PRKCE: variants seen among roughly 807,000 people sequenced by gnomAD.
PRKCE encodes protein kinase C epsilon type.
In PRKCE, 16 loss-of-function variants were observed where a neutral mutation model predicts 85.4. The observed-to-expected ratio is 0.19, with a 90% CI of 0.13 to 0.28. The LOEUF (loss-of-function observed/expected upper bound fraction) is 0.28. Ranked by LOEUF, PRKCE falls within the 10% of genes least tolerant of loss-of-function variation. The pLI is 1.00. For missense variants in PRKCE, 573 were observed against 975.2 expected, an observed-to-expected ratio of 0.59 and a Z score of 5.49; for synonymous variants, 388 against 371.5, an observed-to-expected ratio of 1.04 and a Z score of -0.51.
At chr2:46,027,832 T>A (rs1035063666) in intron 10 of PRKCE, among the ~76,000 whole-genome samples, 1 of 152,250 alleles carries the variant, frequency 6.6e-6, no homozygotes, top group Non-Finnish European at 1.5e-5. Context: ...CTATCCTCTT[T>A]CCAAGACCAA....
At position 45,895,641 on chromosome 2, in the gene PRKCE, A is replaced by G. The variant is rs1274729565; in HGVS notation, c.412+52578A>G. 6.6e-6 allele frequency among the ~76,000 whole-genome samples: 1 copy of G among 152,256 alleles called. No homozygotes were observed. Among genetic ancestry groups the G allele is most frequent in the Non-Finnish European group, 1.5e-5 (1 of 68,046 alleles). On this transcript the variant is annotated intron_variant, in intron 2 of 14. Coordinates refer to ENST00000306156, the MANE Select transcript of PRKCE (RefSeq NM_005400.3). The surrounding 1 kb of genome is among the most constrained non-coding windows in gnomAD (Gnocchi z 4.8). The stretch of plus-strand genomic sequence containing the variant: ...ATTTGGTAGAAGTCACTCTAATGGC[A>G]TGCAGGGTAGATGATGTCAGCTTTT...
chr2:45,782,653 G>A (rs1351611756), intron 1 of PRKCE, among the ~76,000 whole-genome samples: 1 of 152,096 alleles, frequency 6.6e-6, no homozygotes, highest in Non-Finnish European at 1.5e-5. Context: ...GGGAAAGATG[G>A]TTGTTTTTTA....
Position 45,907,196 on chromosome 2 carries a change from A to G in PRKCE, c.412+64133A>G, listed in dbSNP as rs1434624790. Among the ~76,000 whole-genome samples, 1 of 152,240 alleles carries G rather than the reference A, an allele frequency of 6.6e-6. No individual in the cohort carries two copies. Among genetic ancestry groups the G allele is most frequent in the Non-Finnish European group, 1.5e-5 (1 of 68,038 alleles). On this transcript the variant is annotated intron_variant, in intron 2 of 14. Transcript: ENST00000306156. This position sits in a 1 kb window ranked among gnomAD's most constrained non-coding sequence, Gnocchi z 4.5. The stretch of plus-strand genomic sequence containing the variant: ...TGATGGAAAGAAAGCCCGAGAGAAG[A>G]GAAAAATGAAGCTTTAACTATCACA...
intron 1 of PRKCE, among the ~76,000 whole-genome samples, chr2:45,781,970 G>A (rs1372622996): frequency 1.3e-5 from 2 of 152,074 alleles, no homozygotes; most frequent in East Asian, 3.8e-4. Flanking sequence ...TCCTTTCTCA[G>A]GACCAATAGA....
At chr2:45,871,470 G>C (rs1018333273) in intron 2 of PRKCE, among the ~76,000 whole-genome samples, 1 of 152,168 alleles carries the variant, frequency 6.6e-6, no homozygotes, top group Non-Finnish European at 1.5e-5. Context: ...CCGTGGCTTT[G>C]CTTTCTCTTG....
At chr2:45,870,844 T>A (rs181997773) in intron 2 of PRKCE, among the ~76,000 whole-genome samples, 1 of 152,312 alleles carries the variant, frequency 6.6e-6, no homozygotes, top group East Asian at 1.9e-4. Context: ...GTGAGTAACG[T>A]ACTGGGCACA....
intron 1 of PRKCE, among the ~76,000 whole-genome samples, chr2:45,802,771 G>A (rs1406984745): frequency 1.3e-5 from 2 of 152,206 alleles, no homozygotes; most frequent in Non-Finnish European, 2.9e-5. Context: ...CAGTTCAGTG[G>A]CTCTCAAACT....
chr2:45,840,786 T>C (rs1018939663), intron 1 of PRKCE, among the ~76,000 whole-genome samples: 2 of 152,086 alleles, frequency 1.3e-5, no homozygotes, highest in South Asian at 2.1e-4. Flanking sequence ...TCCTGGATTG[T>C]GTGTGGGGTG....
At chr2:46,015,812 T>C (rs780315610) in intron 10 of PRKCE, among the ~76,000 whole-genome samples, 1 of 152,160 alleles carries the variant, frequency 6.6e-6, no homozygotes, top group Non-Finnish European at 1.5e-5. Flanking sequence ...GATGGGTCTC[T>C]TTCCTGCTAG....
At chr2:45,781,170 T>C (rs555206436) in intron 1 of PRKCE, among the ~76,000 whole-genome samples, 7 of 147,584 alleles carry the variant, frequency 4.7e-5, no homozygotes, top group Non-Finnish European at 1.0e-4. Context: ...CCCCCATCTC[T>C]ACAAAATAAT....
chr2:45,923,904 A>G (rs570028073), intron 2 of PRKCE, among the ~76,000 whole-genome samples: 4 of 152,356 alleles, frequency 2.6e-5, no homozygotes, highest in Admixed American at 2.0e-4. Context: ...GAGAAACCAC[A>G]CTGGCCAGAG....
intron 1 of PRKCE, among the ~76,000 whole-genome samples, chr2:45,676,366 TG>T (rs1386353407): frequency 2.0e-5 from 3 of 152,224 alleles, no homozygotes; most frequent in Non-Finnish European, 4.4e-5. Flanking sequence ...TCTTTTAAAC[TG>T]AAACCAGTGC....
At chr2:45,937,082 C>T (rs1699517047) in intron 2 of PRKCE, among the ~76,000 whole-genome samples, 1 of 152,118 alleles carries the variant, frequency 6.6e-6, no homozygotes, top group Non-Finnish European at 1.5e-5. Context: ...GAAGAGTGCT[C>T]CCAGGGGATG....
intron 1 of PRKCE, among the ~76,000 whole-genome samples, chr2:45,771,572 G>T (rs369609093): frequency 6.6e-6 from 1 of 152,130 alleles, no homozygotes; most frequent in African/African-American, 2.4e-5. Context: ...TCTGAGAGCC[G>T]CCCATTGTGA....
intron 1 of PRKCE, among the ~76,000 whole-genome samples, chr2:45,708,081 C>A (rs1679269793): frequency 6.6e-6 from 1 of 152,230 alleles, no homozygotes; most frequent in South Asian, 2.1e-4. Context: ...CTTCGGTGAG[C>A]TCCTGATCTA....
In PRKCE at chr2:46,145,125, C is replaced by A; in HGVS notation, c.1625C>A (p.Ala542Glu). The A allele has an allele frequency of 6.3e-7, 1 of 1,599,756 alleles. No homozygotes were observed. The highest frequency in any genetic ancestry group is 8.5e-7 in the Non-Finnish European group (1 of 1,179,958). The change falls in exon 12 of 15, where the codon GCA becomes GAA. Residue 542 changes from alanine (A) to glutamate (E), a missense_variant. By Grantham distance (107) the Ala-to-Glu change is moderately radical. Around this residue, in one of 11 missense-constraint regions of PRKCE, gnomAD observed 15 missense variants for 42.2 expected, o/e 0.36. Transcript: ENST00000306156. The surrounding 1 kb of genome is among the most constrained non-coding windows in gnomAD (Gnocchi z 4.6). ...AAACTGGACAACATCCTTCTGGATG[C>A]AGAAGGTCACTGCAAGCTGGCTGAC... ...DLKLDNILLDAEGHCKLADFG... is the reference protein window; with the variant it reads ...DLKLDNILLDEEGHCKLADFG...
intron 11 of PRKCE, among the ~76,000 whole-genome samples, chr2:46,132,614 C>T (rs544811200): frequency 1.8e-4 from 28 of 152,278 alleles, no homozygotes; most frequent in African/African-American, 2.2e-4. Flanking sequence ...TGTGCAGCCT[C>T]GTTGTCCATC....
intron 1 of PRKCE, among the ~76,000 whole-genome samples, chr2:45,744,898 C>T (rs1418467871): frequency 1.3e-5 from 2 of 152,152 alleles, no homozygotes; most frequent in Admixed American, 6.5e-5. Context: ...CGTGAGCCAC[C>T]GCACCCAGCC....
At chr2:45,874,617 C>T (rs1473115188) in intron 2 of PRKCE, among the ~76,000 whole-genome samples, 1 of 152,202 alleles carries the variant, frequency 6.6e-6, no homozygotes, top group Non-Finnish European at 1.5e-5. Context: ...TGGGGTGTGT[C>T]AAATATCCAG....
Sources: gnomAD v4.1 joint callset for allele counts (sites outside exome capture counted in the v4.1 genomes callset) on GRCh38, gnomAD v4.1.1 for gene constraint, gnomAD v4.1.1 regional missense constraint, Gnocchi (gnomAD v3.1) non-coding constraint, MANE v1.5 for transcripts, NCBI Gene and HGNC (gene_info 2026-07-23, HGNC 2026-07-21) for gene names.